Variants in STAG1 observed in about 807,000 individuals in gnomAD.
STAG1 encodes cohesin subunit SA-1.
A neutral mutation model predicts 170.9 loss-of-function variants in STAG1; 26 were observed. The observed-to-expected ratio is 0.15, with a 90% CI of 0.11 to 0.21. The LOEUF is 0.21. Ranked by LOEUF, STAG1 falls within the 10% of genes least tolerant of loss-of-function variation. The probability of loss-of-function intolerance (pLI) is 1.00; values close to 1 mark genes in which losing one functional copy is unlikely to be tolerated. For synonymous variants in STAG1, 514 were observed against 497.7 expected (o/e 1.03, Z -0.44); for missense variants, 964 against 1,509.5 (o/e 0.64, Z 5.99).
Position 136,657,790 on chromosome 3 carries a change from C to G in STAG1, c.-83-26809G>C, listed in dbSNP as rs1384824792. On this transcript the variant is annotated intron_variant, in intron 1 of 33. Transcript: ENST00000383202. ...TGAGCCAAGATGGCACCACTGCACT[C>G]CAGCCTAGGCAACATAGCAAGTTGC... Among the ~76,000 whole-genome samples the G allele has an allele frequency of 2.0e-5, 3 of 152,268 alleles. No individual in the cohort carries two copies. In the East Asian group the frequency reaches 5.8e-4, roughly 29 times the overall value.
intron 23 of STAG1, among the ~76,000 whole-genome samples, chr3:136,374,692 A>G (rs1937516427): frequency 6.6e-6 from 1 of 152,146 alleles, no homozygotes; most frequent in Non-Finnish European, 1.5e-5. Context: ...AAAGAGTTTA[A>G]AAGTTAAAAA....
At position 136,605,192 on chromosome 3, in the gene STAG1, G is replaced by A. The variant is rs1938875129; in HGVS notation, c.133-719C>T. Among the ~76,000 whole-genome samples, 3 of 152,122 alleles carry A rather than the reference G, an allele frequency of 2.0e-5. 1 individual carries two copies. In the South Asian group the frequency reaches 6.2e-4, roughly 32 times the overall value. On this transcript the variant is annotated intron_variant, in intron 3 of 33. Coordinates refer to ENST00000383202, the MANE Select transcript of STAG1 (RefSeq NM_005862.3). ...GCTGAACGTATCTGGAACTATTTCA[G>A]GTACTGGCAATACAGCAATAAACAA...
At chr3:136,356,390 G>A (rs529220201) in intron 28 of STAG1, among the ~76,000 whole-genome samples, 2 of 151,902 alleles carry the variant, frequency 1.3e-5, no homozygotes, top group Admixed American at 6.6e-5. Flanking sequence ...TTAAAAAATC[G>A]ACTGATTGAC....
At chr3:136,614,772 T>C (rs1011147532) in intron 3 of STAG1, among the ~76,000 whole-genome samples, 2 of 152,206 alleles carry the variant, frequency 1.3e-5, no homozygotes, top group Non-Finnish European at 2.9e-5. Flanking sequence ...TGCAATGACT[T>C]TCCTAGAAGT....
At position 136,549,861 on chromosome 3, in the gene STAG1, G is replaced by GT. The variant is rs549515947; in HGVS notation, c.395-7667dup. Reference sequence around the variant, plus strand: ...TTTTCCTCTATTCCTAGTTTGCTGAGTTTTTTCTTTTAACATGAAAAGGGT... The same window carrying GT: ...TTTTCCTCTATTCCTAGTTTGCTGAGTTTTTTTCTTTTAACATGAAAAGGGT... On this transcript the variant is annotated intron_variant, in intron 5 of 33. Coordinates refer to ENST00000383202, the MANE Select transcript of STAG1 (RefSeq NM_005862.3). 1.7e-4 allele frequency among the ~76,000 whole-genome samples: 26 copies of GT among 152,126 alleles called. 1 individual carries two copies. The South Asian group carries it at 4.4e-3, about 26-fold the overall frequency.
intron 4 of STAG1, among the ~76,000 whole-genome samples, chr3:136,587,236 T>A (rs1014300213): frequency 2.6e-5 from 4 of 151,648 alleles, no homozygotes; most frequent in Non-Finnish European, 5.9e-5. Context: ...CAAACAGCTA[T>A]GAAATGAAAA....
rs112126601 is a variant in STAG1 at position 136,383,752 on chromosome 3, G to A, written c.2278-6000C>T. On this transcript the variant is annotated intron_variant, in intron 22 of 33. Coordinates refer to ENST00000383202, the MANE Select transcript of STAG1 (RefSeq NM_005862.3). ...GGGCGGATCACGAGGTCAGGAGATC[G>A]AGACCATCCTGGCCAACACGGTGAA... Among the ~76,000 whole-genome samples, 8 of 151,990 alleles carry A rather than the reference G, an allele frequency of 5.3e-5. 1 individual carries two copies. The highest frequency in any genetic ancestry group is 1.2e-4 in the African/African-American group (5 of 41,460).
At chr3:136,546,546 G>C (rs1936163298) in intron 5 of STAG1, among the ~76,000 whole-genome samples, 1 of 152,126 alleles carries the variant, frequency 6.6e-6, no homozygotes, top group Non-Finnish European at 1.5e-5. Flanking sequence ...TAATTCTAGA[G>C]AAGATTGTTA....
chr3:136,519,676 C>A (rs370824511), intron 7 of STAG1, among the ~76,000 whole-genome samples: 3 of 151,418 alleles, frequency 2.0e-5, no homozygotes, highest in African/African-American at 7.3e-5. Context: ...GCAGAGGATA[C>A]TACGAAAGGT....
chr3:136,370,786 G>C (rs1371348345), intron 23 of STAG1, among the ~76,000 whole-genome samples: 1 of 152,172 alleles, frequency 6.6e-6, no homozygotes, highest in East Asian at 1.9e-4. Context: ...TTGGTTCCAA[G>C]TCTTTGCTAT....
At chr3:136,516,047 C>A (rs1221322519) in intron 7 of STAG1, among the ~76,000 whole-genome samples, 1 of 151,920 alleles carries the variant, frequency 6.6e-6, no homozygotes, top group Non-Finnish European at 1.5e-5. Flanking sequence ...AATGTAAATA[C>A]AAAAAGGAAG....
intron 1 of STAG1, among the ~76,000 whole-genome samples, chr3:136,645,408 T>G (rs111515952): frequency 6.6e-6 from 1 of 152,160 alleles, no homozygotes; most frequent in Non-Finnish European, 1.5e-5. Flanking sequence ...GTAAGTTTCA[T>G]TGACTTCAGC....
chr3:136,405,251 TTTTTTTTTC>T (rs2087446418), intron 21 of STAG1, among the ~76,000 whole-genome samples: 1 of 129,628 alleles, frequency 7.7e-6, no homozygotes, highest in Non-Finnish European at 1.6e-5. Context: ...TTTTTTTTTT[TTTTTTTTTC>T]AGACGAAGTC....
Position 136,602,532 on chromosome 3 carries a change from G to A in STAG1, c.297+1777C>T, listed in dbSNP as rs190130000. Among the ~76,000 whole-genome samples the A allele has an allele frequency of 2.4e-3, 372 of 151,902 alleles. 2 individuals carry two copies. Among genetic ancestry groups the A allele is most frequent in the African/African-American group, 8.3e-3 (343 of 41,426 alleles). On this transcript the variant is annotated intron_variant, in intron 4 of 33. Coordinates refer to ENST00000383202, the MANE Select transcript of STAG1 (RefSeq NM_005862.3). ...AAAGGTCTTTAAAATTAATGCTTCC[G>A]TAGCTTGTTAACAATTCTTCTATTA...
chr3:136,362,617 A>AAG (rs1238537872), intron 26 of STAG1, among the ~76,000 whole-genome samples: 2 of 150,454 alleles, frequency 1.3e-5, no homozygotes, highest in African/African-American at 4.9e-5. Flanking sequence ...AAAAAAAAAA[A>AAG]AAAAAGAAAA....
intron 24 of STAG1, among the ~76,000 whole-genome samples, chr3:136,368,137 C>A (rs1187418440): frequency 6.6e-6 from 1 of 152,068 alleles, no homozygotes; most frequent in African/African-American, 2.4e-5. Flanking sequence ...AATTTGTCTC[C>A]TGAGATGAAT....
intron 5 of STAG1, among the ~76,000 whole-genome samples, chr3:136,544,320 G>A (rs1936046691): frequency 1.3e-5 from 2 of 152,042 alleles, no homozygotes; most frequent in South Asian, 4.1e-4. Context: ...TCTATTCTAT[G>A]ATGTCAGCCA....
intron 22 of STAG1, among the ~76,000 whole-genome samples, chr3:136,382,502 A>C (rs1938029415): frequency 6.6e-6 from 1 of 150,858 alleles, no homozygotes; most frequent in Non-Finnish European, 1.5e-5. Flanking sequence ...TCCTGGGTTC[A>C]AGCGATTCTC....
chr3:136,647,318 C>T (rs1941063322), intron 1 of STAG1, among the ~76,000 whole-genome samples: 1 of 152,180 alleles, frequency 6.6e-6, no homozygotes, highest in African/African-American at 2.4e-5. Flanking sequence ...TGCCTGTAAT[C>T]CCAGCACTTT....
Sources: gnomAD v4.1 joint callset for allele counts (sites outside exome capture counted in the v4.1 genomes callset) on GRCh38, gnomAD v4.1.1 for gene constraint, MANE v1.5 for transcripts, NCBI Gene and HGNC (gene_info 2026-07-23, HGNC 2026-07-21) for gene names.